PARD3: variants seen among roughly 807,000 people sequenced by gnomAD.
The protein encoded by PARD3 is par-3 family cell polarity regulator, also known as partitioning defective 3 homolog.
Under a neutral mutation model 155.4 loss-of-function variants are expected in PARD3, and 75 were observed. The ratio of observed to expected loss-of-function variants is 0.48; its 90% CI spans 0.40 to 0.58. The LOEUF (loss-of-function observed/expected upper bound fraction) is 0.58. Among genes scored for constraint, PARD3 ranks in the 20% least tolerant of loss-of-function variants. The pLI is 0.00. For synonymous variants in PARD3, 576 were observed against 610.5 expected, an observed-to-expected ratio of 0.94 and a Z score of 0.83; for missense variants, 1,642 against 1,721.7, an observed-to-expected ratio of 0.95 and a Z score of 0.82.
At chr10:34,476,025 C>T (rs1354880945) in intron 3 of PARD3, among the ~76,000 whole-genome samples, 5 of 151,194 alleles carry the variant, frequency 3.3e-5, no homozygotes, top group Non-Finnish European at 7.4e-5. Context: ...TGGTGGCTCA[C>T]GAATGTAACA....
At chr10:34,571,727 A>C (rs2086420408) in intron 2 of PARD3, among the ~76,000 whole-genome samples, 1 of 152,256 alleles carries the variant, frequency 6.6e-6, no homozygotes, top group South Asian at 2.1e-4. Context: ...GAATGCTAAT[A>C]TACCTAGTAA....
intron 22 of PARD3, among the ~76,000 whole-genome samples, chr10:34,167,828 AT>A (rs1157332777): frequency 1.3e-5 from 2 of 152,154 alleles, no homozygotes; most frequent in Non-Finnish European, 2.9e-5. Flanking sequence ...TTGTTTTCTA[AT>A]TAAATTATTT....
At position 34,401,906 on chromosome 10, in the gene PARD3, C is replaced by G. The variant is rs921997227; in HGVS notation, c.726G>C (p.Gly242=). The G allele has an allele frequency of 1.2e-6, 2 of 1,613,216 alleles. No homozygotes were observed. The highest frequency in any genetic ancestry group is 1.3e-5 in the African/African-American group (1 of 74,890). Residue 242 remains glycine, a synonymous_variant, in exon 6 of 25, where the codon GGG becomes GGC. Coordinates refer to ENST00000374788, the MANE Select transcript of PARD3 (RefSeq NM_001184785.2). The stretch of plus-strand genomic sequence containing the variant: ...CAACACGACTGTTATCCTCTTCTGT[C>G]CCATCCTCATCCTAGAGGCAGCCAA... ...WLEKQEQDED[G]TEEDNSRVEP... is the part of the protein sequence containing the mutation.
intron 2 of PARD3, among the ~76,000 whole-genome samples, chr10:34,564,595 A>T (rs1285637223): frequency 1.3e-5 from 2 of 152,232 alleles, no homozygotes; most frequent in Non-Finnish European, 2.9e-5. Context: ...GCTAGCGAAG[A>T]GGCAGAGAGG....
chr10:34,547,218 C>A (rs1380794639), intron 2 of PARD3, among the ~76,000 whole-genome samples: 1 of 152,188 alleles, frequency 6.6e-6, no homozygotes, highest in East Asian at 1.9e-4. Flanking sequence ...CAATTAACAG[C>A]AATTTACAAG....
At chr10:34,696,692 A>G (rs752658919) in intron 1 of PARD3, among the ~76,000 whole-genome samples, 2 of 150,888 alleles carry the variant, frequency 1.3e-5, no homozygotes. Flanking sequence ...TATGTACTGC[A>G]TAAGTAATAC....
At chr10:34,125,557 C>T (rs954367736) in intron 23 of PARD3, among the ~76,000 whole-genome samples, 31 of 152,144 alleles carry the variant, frequency 2.0e-4, no homozygotes, top group Admixed American at 5.2e-4. Context: ...CTGAAATTGC[C>T]CAGGCACAGG....
At chr10:34,183,681 G>C (rs762921264) in intron 22 of PARD3, among the ~76,000 whole-genome samples, 1 of 152,188 alleles carries the variant, frequency 6.6e-6, no homozygotes, top group Non-Finnish European at 1.5e-5. Flanking sequence ...ACGGGGCTAC[G>C]TAAATAACAC....
chr10:34,680,554 G>A (rs2093792909), intron 2 of PARD3, among the ~76,000 whole-genome samples: 4 of 76,262 alleles, frequency 5.2e-5, no homozygotes, highest in African/African-American at 1.1e-4. Flanking sequence ...GTAAGACTCC[G>A]TCTAAAAAAA....
chr10:34,516,608 G>C (rs1291730586), intron 3 of PARD3, among the ~76,000 whole-genome samples: 1 of 152,180 alleles, frequency 6.6e-6, no homozygotes, highest in African/African-American at 2.4e-5. Flanking sequence ...AATGACGGTT[G>C]TAACAGAGTT....
rs2133929537 is a variant in PARD3, at chr10:34,546,297, C to A, written c.223-29138G>T. Among the ~76,000 whole-genome samples, 2 of 152,080 alleles carry A rather than the reference C, an allele frequency of 1.3e-5. 1 individual carries two copies. Among genetic ancestry groups the A allele is most frequent in the Admixed American group, 1.3e-4 (2 of 15,274 alleles). On this transcript the variant is annotated intron_variant, in intron 2 of 24. Transcript: ENST00000374788. ...CTTTGGGAGGCCGAGGTGGGTGAAT[C>A]ACAATGTCAGGGGTTCGAGACCAGT...
intron 22 of PARD3, among the ~76,000 whole-genome samples, chr10:34,213,158 C>G (rs1345507043): frequency 6.6e-6 from 1 of 152,150 alleles, no homozygotes; most frequent in Non-Finnish European, 1.5e-5. Context: ...CAAGATTGGG[C>G]AGCTGCATCT....
chr10:34,615,227 CA>C (rs1473222899), intron 2 of PARD3, among the ~76,000 whole-genome samples: 1 of 151,908 alleles, frequency 6.6e-6, no homozygotes, highest in East Asian at 1.9e-4. Flanking sequence ...AAAACAGAAA[CA>C]AAAAACAAAG....
intron 2 of PARD3, among the ~76,000 whole-genome samples, chr10:34,618,007 C>T (rs375283301): frequency 6.6e-5 from 10 of 152,158 alleles, no homozygotes; most frequent in African/African-American, 2.4e-4. Flanking sequence ...TGGCACTCAA[C>T]TGTATTCTGA....
chr10:34,119,831 ACTTTG>A, intron 23 of PARD3, 91 bp from the exon 24 acceptor site: 1 of 1,209,082 alleles, frequency 8.3e-7, no homozygotes, highest in Non-Finnish European at 1.1e-6. Flanking sequence ...TTATGAATTG[ACTTTG>A]AAAATTTTGA....
chr10:34,585,536 T>TC (rs1427074903), intron 2 of PARD3, among the ~76,000 whole-genome samples: 1 of 141,166 alleles, frequency 7.1e-6, no homozygotes, highest in Non-Finnish European at 1.5e-5. Context: ...TCTTTTTTTT[T>TC]CTTTTTCTTT....
chr10:34,796,702 T>C (rs1842287836), intron 1 of PARD3, among the ~76,000 whole-genome samples: 1 of 152,218 alleles, frequency 6.6e-6, no homozygotes, highest in Non-Finnish European at 1.5e-5. Context: ...AATTATTTCC[T>C]GGCCAGATGT....
At chr10:34,595,904 A>T (rs1371290635) in intron 2 of PARD3, among the ~76,000 whole-genome samples, 1 of 152,138 alleles carries the variant, frequency 6.6e-6, no homozygotes, top group Non-Finnish European at 1.5e-5. Context: ...ACGTGGGAGG[A>T]TTGCTTAAGC....
chr10:34,640,701 T>C (rs1379177994), intron 2 of PARD3, among the ~76,000 whole-genome samples: 1 of 24,990 alleles, frequency 4.0e-5, no homozygotes, highest in Non-Finnish European at 8.6e-5. Flanking sequence ...AGAGTGAGAC[T>C]CCATCTCAAA....
Sources: gnomAD v4.1 joint callset for allele counts (sites outside exome capture counted in the v4.1 genomes callset) on GRCh38, gnomAD v4.1.1 for gene constraint, MANE v1.5 for transcripts, NCBI Gene and HGNC (gene_info 2026-07-23, HGNC 2026-07-21) for gene names.